Variants in EPRS1 observed in about 807,000 individuals in gnomAD.
The protein encoded by EPRS1 is glutamyl-prolyl-tRNA synthetase 1.
EPRS1 carries 107 observed loss-of-function variants against 188.3 expected under a neutral mutation model. The observed-to-expected ratio is 0.57, with a 90% CI of 0.49 to 0.67. The LOEUF is 0.67. EPRS1 is among the 30% of genes least tolerant of loss of function. The probability of loss-of-function intolerance (pLI) is 0.00; values close to 1 mark genes in which losing one functional copy is unlikely to be tolerated. For synonymous variants in EPRS1, 596 were observed against 593.1 expected (o/e 1.00, Z -0.07); for missense variants, 1,577 against 1,802.2 (o/e 0.88, Z 2.26).
intron 20 of EPRS1, among the ~76,000 whole-genome samples, chr1:219,985,721 A>T (rs1480944002): frequency 2.0e-5 from 3 of 152,184 alleles, no homozygotes; most frequent in Non-Finnish European, 2.9e-5. Context: ...TTTTCTTTTA[A>T]CTAGAATAAA....
intron 17 of EPRS1, among the ~76,000 whole-genome samples, chr1:219,998,629 G>A (rs1360740949): frequency 2.1e-5 from 3 of 145,964 alleles, no homozygotes; most frequent in East Asian, 2.0e-4. Context: ...TGAAACCTCC[G>A]CCTCCCGGGT....
chr1:219,971,267 A>G (rs1660659099), intron 30 of EPRS1, among the ~76,000 whole-genome samples: 1 of 152,182 alleles, frequency 6.6e-6, no homozygotes, highest in African/African-American at 2.4e-5. Flanking sequence ...CAATAATTAA[A>G]TAACTTTGCA....
At chr1:219,985,479 A>G (rs1199729902) in intron 20 of EPRS1, among the ~76,000 whole-genome samples, 1 of 151,306 alleles carries the variant, frequency 6.6e-6, no homozygotes, top group African/African-American at 2.4e-5. Context: ...TGCAACCTCC[A>G]CCTCCCAGGT....
chr1:219,978,477 A>G, intron 28 of EPRS1, 69 bp downstream of exon 28: 1 of 1,258,888 alleles, frequency 7.9e-7, no homozygotes, highest in Non-Finnish European at 1.1e-6. Flanking sequence ...GTTTTATAAA[A>G]ACATGCAGAG....
At chr1:220,001,113 T>C (rs1432264099) in intron 17 of EPRS1, 25 bp downstream of exon 17, 3 of 1,219,892 alleles carry the variant, frequency 2.5e-6, no homozygotes, top group South Asian at 2.4e-5. Flanking sequence ...TTTATTTTTA[T>C]ACACATATCC....
At chr1:220,037,719 C>G (rs1364699989) in intron 2 of EPRS1, among the ~76,000 whole-genome samples, 4 of 151,986 alleles carry the variant, frequency 2.6e-5, no homozygotes, top group Admixed American at 2.0e-4. Context: ...AAAATAGACC[C>G]AAACTAAAGC....
chr1:220,035,519 T>C (rs530108746), intron 2 of EPRS1, among the ~76,000 whole-genome samples: 1 of 152,190 alleles, frequency 6.6e-6, no homozygotes, highest in Non-Finnish European at 1.5e-5. Flanking sequence ...ATGTTGAGAA[T>C]AACAGTGATT....
intron 29 of EPRS1, among the ~76,000 whole-genome samples, chr1:219,972,796 C>T (rs753489336): frequency 6.1e-4 from 93 of 152,210 alleles, no homozygotes; most frequent in Non-Finnish European, 1.1e-3. Flanking sequence ...GGTTCTCAGC[C>T]TTGGCTATAT....
chr1:220,019,948 GTCCTTA>G (rs1389590982), intron 10 of EPRS1, 34 bp downstream of exon 10: 1 of 1,384,360 alleles, frequency 7.2e-7, no homozygotes, highest in Non-Finnish European at 1.0e-6. Context: ...GATCTACTAT[GTCCTTA>G]CTTCTTGTCA....
chr1:220,001,994 A>G (rs1661361766), intron 16 of EPRS1, among the ~76,000 whole-genome samples: 1 of 150,508 alleles, frequency 6.6e-6, no homozygotes, highest in South Asian at 2.1e-4. Flanking sequence ...ACACCACTGC[A>G]CTCCAGCCTG....
intron 25 of EPRS1, 100 bp downstream of exon 25, chr1:219,980,656 T>A (rs1388006013): frequency 4.7e-5 from 32 of 683,550 alleles, no homozygotes; most frequent in Non-Finnish European, 7.6e-6. Flanking sequence ...TTAATTTGAT[T>A]TTGCTTTTAA....
At chr1:219,983,676 T>C (rs1660944398) in intron 21 of EPRS1, among the ~76,000 whole-genome samples, 1 of 152,130 alleles carries the variant, frequency 6.6e-6, no homozygotes, top group Admixed American at 6.5e-5. Context: ...GTGGATTGCT[T>C]GAGGTCAGGA....
chr1:219,977,645 C>A (rs371234264), intron 28 of EPRS1, among the ~76,000 whole-genome samples: 2 of 151,896 alleles, frequency 1.3e-5, no homozygotes, highest in South Asian at 2.1e-4. Context: ...GAAAAAAAAT[C>A]ATGTTTAGAA....
At position 219,981,387 on chromosome 1, in the gene EPRS1, G is replaced by A. The variant is rs1199646143; in HGVS notation, c.3444C>T (p.Cys1148=). The change falls in exon 24 of 32, where the codon TGC becomes TGT. Residue 1148 remains cysteine (C), a synonymous_variant. Transcript: ENST00000366923. ...GGGGGTGAATACCTACCACCACATTGCACCACTGATTGAGCTTGATGGGCA... is the reference window on the plus strand; with the variant it reads ...GGGGGTGAATACCTACCACCACATTACACCACTGATTGAGCTTGATGGGCA... ...RDLPIKLNQW[C]NVVRWEFKHP... 6.2e-7 allele frequency: 1 copy of A among 1,604,514 alleles called. No homozygotes were observed. Among genetic ancestry groups the A allele is most frequent in the African/African-American group, 1.3e-5 (1 of 74,418 alleles).
chr1:219,988,823 C>T lies in EPRS1; in HGVS notation c.2542G>A (p.Ala848Thr), dbSNP rs112179127. ...RKLKAEKSPK[A>T]KINEAVECLL... ...CATTCTACAGCTTCATTTATTTTAG[C>T]CTAAAATAAAAGAGAGAAAGAGATA... Residue 848 changes from alanine (A) to threonine (T), a missense_variant and splice_region_variant, in exon 19 of 32, where the codon GCT becomes ACT. Ala to Thr is a moderately conservative substitution (Grantham distance 58, BLOSUM62 0). Coordinates refer to ENST00000366923, the MANE Select transcript of EPRS1 (RefSeq NM_004446.3). 4 of 1,554,262 alleles carry T rather than the reference C, an allele frequency of 2.6e-6. No homozygotes were observed. Among genetic ancestry groups the T allele is most frequent in the Non-Finnish European group, 2.6e-6 (3 of 1,144,812 alleles).
chr1:220,006,827 A>G (rs114012621), intron 14 of EPRS1, among the ~76,000 whole-genome samples: 7 of 152,320 alleles, frequency 4.6e-5, no homozygotes, highest in Non-Finnish European at 1.0e-4. Context: ...TTATTAACCA[A>G]TCAGTTTTAA....
intron 9 of EPRS1, among the ~76,000 whole-genome samples, chr1:220,021,293 A>T (rs992829525): frequency 1.3e-5 from 2 of 151,970 alleles, no homozygotes; most frequent in Non-Finnish European, 2.9e-5. Flanking sequence ...GACTGAAGCA[A>T]TCTTCTTGCC....
chr1:220,031,541 T>C (rs999500356), intron 5 of EPRS1, among the ~76,000 whole-genome samples: 1 of 152,182 alleles, frequency 6.6e-6, no homozygotes, highest in Admixed American at 6.5e-5. Flanking sequence ...GAGTAAAGAT[T>C]TGTAGCCAAA....
chr1:219,983,114 G>T, intron 22 of EPRS1, 75 bp downstream of exon 22: 1 of 1,238,938 alleles, frequency 8.1e-7, no homozygotes, highest in Middle Eastern at 2.0e-4. Flanking sequence ...TTCAAAATTG[G>T]TTGTTAAAAG....
Sources: gnomAD v4.1 joint callset for allele counts (sites outside exome capture counted in the v4.1 genomes callset) on GRCh38, gnomAD v4.1.1 for gene constraint, MANE v1.5 for transcripts, NCBI Gene and HGNC (gene_info 2026-07-23, HGNC 2026-07-21) for gene names.